Variants in SLC7A2 observed in about 807,000 individuals in gnomAD.
The protein encoded by SLC7A2 is solute carrier family 7 member 2.
In SLC7A2, 48 loss-of-function variants were observed where a neutral mutation model predicts 58.9. The ratio of observed to expected loss-of-function variants is 0.82; its 90% confidence interval spans 0.65 to 1.04. The LOEUF (loss-of-function observed/expected upper bound fraction) is 1.04. Ranked by LOEUF, SLC7A2 falls within the 50% of genes least tolerant of loss-of-function variation. The pLI is 0.00. For missense variants in SLC7A2, 1,029 were observed against 818.8 expected, an observed-to-expected ratio of 1.26 and a Z score of -3.13; for synonymous variants, 363 against 314.5, an observed-to-expected ratio of 1.15 and a Z score of -1.63.
chr8:17,496,786 T>C (rs1335794882), upstream of SLC7A2, among the ~76,000 whole-genome samples: 1 of 152,280 alleles, frequency 6.6e-6, no homozygotes, highest in Non-Finnish European at 1.5e-5. Flanking sequence ...GGAAATGCCC[T>C]TGAGGTTTGG....
intron 2 of SLC7A2, among the ~76,000 whole-genome samples, chr8:17,524,406 A>ATG (rs147627145): frequency 7.9e-5 from 11 of 139,282 alleles, no homozygotes; most frequent in Admixed American, 5.7e-4. Flanking sequence ...ATATACATAT[A>ATG]TGTGTGTGTG....
At chr8:17,530,185 C>G (rs564433564) in intron 2 of SLC7A2, among the ~76,000 whole-genome samples, 3 of 152,116 alleles carry the variant, frequency 2.0e-5, no homozygotes, top group African/African-American at 7.2e-5. Context: ...CCCCCTGCCC[C>G]CCATCCCCGG....
chr8:17,520,407 G>A (rs1334961147), intron 2 of SLC7A2, among the ~76,000 whole-genome samples: 2 of 151,878 alleles, frequency 1.3e-5, no homozygotes, highest in Non-Finnish European at 2.9e-5. Context: ...TTGGGAGGCC[G>A]AGGTGGGCGG....
chr8:17,529,812 C>T (rs1044164123), intron 2 of SLC7A2, among the ~76,000 whole-genome samples: 1 of 152,114 alleles, frequency 6.6e-6, no homozygotes, highest in Non-Finnish European at 1.5e-5. Flanking sequence ...GCTGGGATTA[C>T]AGGTGTGAGT....
In SLC7A2 at chr8:17,559,353, A is replaced by C. The variant is rs145728885; in HGVS notation, c.1298+956A>C. On this transcript the variant is annotated intron_variant, in intron 9 of 12. Coordinates refer to ENST00000494857, the MANE Select transcript of SLC7A2 (RefSeq NM_001370338.1). ...AACTTAAAATCTTGGTGGAAGGGGA[A>C]GCAAACATGTCCTTCTTCACATGCT... Among the ~76,000 whole-genome samples the C allele has an allele frequency of 2.0e-3, 307 of 152,300 alleles. 2 individuals are homozygous for C. The highest frequency in any genetic ancestry group is 7.3e-3 in the African/African-American group (302 of 41,562).
At chr8:17,518,553 G>A (rs1176185900) in intron 2 of SLC7A2, among the ~76,000 whole-genome samples, 1 of 152,108 alleles carries the variant, frequency 6.6e-6, no homozygotes, top group Non-Finnish European at 1.5e-5. Flanking sequence ...CTGAGCTCTG[G>A]AAAAATGTAA....
At chr8:17,527,024 C>T (rs1021323843) in intron 2 of SLC7A2, among the ~76,000 whole-genome samples, 3 of 151,808 alleles carry the variant, frequency 2.0e-5, no homozygotes, top group African/African-American at 7.3e-5. Flanking sequence ...GGTGGCATGC[C>T]ATGGTACTCT....
chr8:17,549,189 G>T (rs1802326329), intron 5 of SLC7A2, among the ~76,000 whole-genome samples: 1 of 152,166 alleles, frequency 6.6e-6, no homozygotes. Context: ...CTGGGTCCCT[G>T]CCACAACACA....
rs1042331157 is a variant in SLC7A2 at position 17,550,576 on chromosome 8, G to C, written c.832+142G>C. Reference sequence around the variant, plus strand: ...AGTTCCAGGCCCAGCTGTGACACGTGCTGCTGATGATAAAAAGAAAGAATG... The same window carrying C: ...AGTTCCAGGCCCAGCTGTGACACGTCCTGCTGATGATAAAAAGAAAGAATG... On this transcript the variant is annotated intron_variant, in intron 6 of 12. Transcript: ENST00000494857. The C allele has an allele frequency of 2.4e-5, 16 of 677,894 alleles. No individual in the cohort carries two copies. In the African/African-American group the frequency reaches 2.7e-4, roughly 11 times the overall value. The allele number at this position is 677,894 out of a possible 1,614,324, so 42.0% of individuals were successfully genotyped here. A position where few individuals can be genotyped will look rare whatever the true frequency, so the allele number is the denominator to read the frequency against.
intron 2 of SLC7A2, chr8:17,511,208 T>C (rs1292526316): frequency 2.6e-5 from 4 of 152,136 alleles, no homozygotes; most frequent in Non-Finnish European, 5.9e-5. Flanking sequence ...GGCACACGTA[T>C]ACCTACGTAG....
At chr8:17,521,054 C>G (rs1053361532) in intron 2 of SLC7A2, among the ~76,000 whole-genome samples, 14 of 152,060 alleles carry the variant, frequency 9.2e-5, no homozygotes, top group African/African-American at 3.4e-4. Context: ...GATAGTTACT[C>G]TTGCTGATTT....
At chr8:17,562,336 G>C (rs1440487103) in intron 11 of SLC7A2, among the ~76,000 whole-genome samples, 1 of 151,586 alleles carries the variant, frequency 6.6e-6, no homozygotes, top group Non-Finnish European at 1.5e-5. Context: ...CTCCCCAGTA[G>C]CTGGATCACA....
At chr8:17,562,860 G>A (rs74763072) in intron 11 of SLC7A2, among the ~76,000 whole-genome samples, 4,195 of 152,258 alleles carry the variant, frequency 0.028, 82 homozygotes, top group African/African-American at 0.046. Context: ...TTCCTCTTGG[G>A]CTGGGTGTGG....
chr8:17,503,184 G>A (rs1379244217), intron 2 of SLC7A2, among the ~76,000 whole-genome samples: 1 of 151,882 alleles, frequency 6.6e-6, no homozygotes, highest in Admixed American at 6.6e-5. Context: ...CCGAGTAGCT[G>A]GGACTACAGG....
At chr8:17,558,521 T>C in intron 9 of SLC7A2, 124 bp downstream of exon 9, 1 of 551,004 alleles carries the variant, frequency 1.8e-6, no homozygotes, top group Non-Finnish European at 3.3e-6. Flanking sequence ...AGGTCACATC[T>C]AACAAAATAG....
chr8:17,560,884 A>G (rs572234593), intron 10 of SLC7A2, among the ~76,000 whole-genome samples: 2 of 152,304 alleles, frequency 1.3e-5, no homozygotes, highest in South Asian at 2.1e-4. Flanking sequence ...GTCCAATAAT[A>G]TAGAAAATCC....
At position 17,543,007 on chromosome 8, in the gene SLC7A2, G is replaced by A. The variant is rs192084410; in HGVS notation, c.-22-311G>A. Among the ~76,000 whole-genome samples the A allele has an allele frequency of 2.5e-3, 385 of 152,196 alleles. 3 individuals are homozygous for A. Among genetic ancestry groups the A allele is most frequent in the African/African-American group, 9.1e-3 (376 of 41,534 alleles). ...AAATTATAATATGCAAACAAGAATG[G>A]CAAATCTTTTTAATCACCCAAGGCT... On this transcript the variant is annotated intron_variant, in intron 2 of 12. Coordinates refer to ENST00000494857, the MANE Select transcript of SLC7A2 (RefSeq NM_001370338.1).
chr8:17,512,796 C>T (rs1223402631), intron 2 of SLC7A2, among the ~76,000 whole-genome samples: 1 of 152,272 alleles, frequency 6.6e-6, no homozygotes, highest in Middle Eastern at 3.4e-3. Flanking sequence ...CCCGTTTCCC[C>T]TTCCCTTCCG....
rs1803351296 is a variant in SLC7A2 at position 17,568,154 on chromosome 8, CTTAAA to C, written c.*3012_*3016del. 1 of 151,894 alleles carries C rather than the reference CTTAAA, an allele frequency of 6.6e-6. No individual in the cohort carries two copies. The highest frequency in any genetic ancestry group is 6.6e-5 in the Admixed American group (1 of 15,230). 9.4% of individuals were successfully genotyped at this position (151,894 alleles called of 1,614,324 possible). A position where few individuals can be genotyped will look rare whatever the true frequency, so the allele number is the denominator to read the frequency against. On this transcript the variant is annotated 3_prime_UTR_variant, in exon 13 of 13. Transcript: ENST00000494857. Reference sequence around the variant, plus strand: ...TTCTTTTGTGATTGAGTAAAAGCAGCTTAAATTACTTTTCTTTTCTACATTAAGAA... The same window carrying C: ...TTCTTTTGTGATTGAGTAAAAGCAGCTTACTTTTCTTTTCTACATTAAGAA...
Sources: gnomAD v4.1 joint callset for allele counts (sites outside exome capture counted in the v4.1 genomes callset) on GRCh38, gnomAD v4.1.1 for gene constraint, MANE v1.5 for transcripts, NCBI Gene and HGNC (gene_info 2026-07-23, HGNC 2026-07-21) for gene names.